Variants in TAFA1 observed in about 807,000 individuals in gnomAD.
The protein encoded by TAFA1 is chemokine-like protein TAFA-1.
In TAFA1, 4 loss-of-function variants were observed where a neutral mutation model predicts 18.5. That is an observed-to-expected ratio of 0.22 (90% confidence interval 0.11 to 0.49). TAFA1 has a LOEUF of 0.49. TAFA1 is among the 20% of genes least tolerant of loss of function. The pLI, the probability that TAFA1 is intolerant of heterozygous loss-of-function variation, is 0.98. For missense variants in TAFA1, 147 were observed against 169.0 expected (o/e 0.87, Z 0.72); for synonymous variants, 56 against 55.2 (o/e 1.01, Z -0.06).
At chr3:68,458,972 G>A (rs1469461497) in intron 3 of TAFA1, among the ~76,000 whole-genome samples, 5 of 152,130 alleles carry the variant, frequency 3.3e-5, no homozygotes, top group Non-Finnish European at 7.3e-5. Context: ...GGCAGGGCAA[G>A]GAAACAGCAA....
At chr3:68,479,229 C>CAAAAAAAAA (rs764971674) in intron 3 of TAFA1, among the ~76,000 whole-genome samples, 2 of 97,520 alleles carry the variant, frequency 2.1e-5, no homozygotes, top group African/African-American at 1.0e-4. Context: ...GACTCCATCT[C>CAAAAAAAAA]AAAAAAAAAA....
At chr3:68,278,292 T>C (rs2067832217) in intron 2 of TAFA1, among the ~76,000 whole-genome samples, 1 of 152,088 alleles carries the variant, frequency 6.6e-6, no homozygotes, top group African/African-American at 2.4e-5. Context: ...TTCCAAACTG[T>C]TTATATAAAG....
At chr3:68,412,552 G>A (rs1265666236) in intron 2 of TAFA1, among the ~76,000 whole-genome samples, 1 of 152,044 alleles carries the variant, frequency 6.6e-6, no homozygotes, top group Non-Finnish European at 1.5e-5. Flanking sequence ...ACAGGCCCCA[G>A]TGTGTGATGT....
intron 3 of TAFA1, among the ~76,000 whole-genome samples, chr3:68,446,036 G>A (rs892117883): frequency 6.6e-6 from 1 of 151,946 alleles, no homozygotes; most frequent in Non-Finnish European, 1.5e-5. Context: ...AAAGTAGCTG[G>A]GACCACAGAC....
At chr3:68,468,422 AT>A (rs1264554933) in intron 3 of TAFA1, among the ~76,000 whole-genome samples, 1 of 152,312 alleles carries the variant, frequency 6.6e-6, no homozygotes, top group East Asian at 1.9e-4. Context: ...TCATCAAAAG[AT>A]GTCATTGAAG....
intron 3 of TAFA1, among the ~76,000 whole-genome samples, chr3:68,456,055 C>T (rs1445348131): frequency 6.6e-6 from 1 of 152,070 alleles, no homozygotes; most frequent in African/African-American, 2.4e-5. Flanking sequence ...GAGCATTGTC[C>T]AATATTAGAA....
chr3:68,421,151 T>A (rs185171734), intron 3 of TAFA1, among the ~76,000 whole-genome samples: 2 of 152,112 alleles, frequency 1.3e-5, no homozygotes, highest in African/African-American at 4.8e-5. Context: ...GCCCTAAGAT[T>A]TGTAAGAAGT....
At chr3:68,203,323 A>T in intron 2 of TAFA1, among the ~76,000 whole-genome samples, 1 of 150,208 alleles carries the variant, frequency 6.7e-6, no homozygotes, top group African/African-American at 2.4e-5. Context: ...ACCTTTCTGG[A>T]TCTGTGGTTT....
intron 3 of TAFA1, among the ~76,000 whole-genome samples, chr3:68,530,600 T>A (rs1234715356): frequency 6.6e-6 from 1 of 152,120 alleles, no homozygotes; most frequent in Non-Finnish European, 1.5e-5. Context: ...TAAGAGAAGC[T>A]GGTTTTGGTG....
intron 2 of TAFA1, chr3:68,247,810 G>C (rs964805297): frequency 6.7e-6 from 1 of 149,244 alleles, no homozygotes; most frequent in Non-Finnish European, 1.5e-5. Flanking sequence ...GCTCTGGTGA[G>C]TATGTTGAGC....
chr3:68,213,696 T>A (rs1298725505), intron 2 of TAFA1, among the ~76,000 whole-genome samples: 3 of 152,084 alleles, frequency 2.0e-5, no homozygotes, highest in African/African-American at 7.2e-5. Context: ...TATCAGTATA[T>A]TACAATAAAT....
At chr3:68,201,856 T>C (rs977821341) in intron 2 of TAFA1, among the ~76,000 whole-genome samples, 1 of 151,712 alleles carries the variant, frequency 6.6e-6, no homozygotes, top group Non-Finnish European at 1.5e-5. Flanking sequence ...TAAAAGTTTT[T>C]TGTGCTGTGC....
intron 2 of TAFA1, among the ~76,000 whole-genome samples, chr3:68,028,529 G>T: frequency 6.6e-6 from 1 of 152,206 alleles, no homozygotes; most frequent in East Asian, 1.9e-4. Context: ...TGTTTCTGGA[G>T]AACAGAAGTC....
chr3:68,379,949 A>T (rs916261885), intron 2 of TAFA1, among the ~76,000 whole-genome samples: 1 of 149,406 alleles, frequency 6.7e-6, no homozygotes, highest in Admixed American at 6.7e-5. Context: ...CCAATGTGTG[A>T]TGTTCCCCTT....
At chr3:68,522,062 G>A (rs1377319892) in intron 3 of TAFA1, among the ~76,000 whole-genome samples, 1 of 151,196 alleles carries the variant, frequency 6.6e-6, no homozygotes, top group Non-Finnish European at 1.5e-5. Flanking sequence ...GCTCAGGGTG[G>A]TCTCCATCTC....
chr3:68,080,257 C>T (rs1162140647), intron 2 of TAFA1, among the ~76,000 whole-genome samples: 1 of 152,170 alleles, frequency 6.6e-6, no homozygotes, highest in African/African-American at 2.4e-5. Flanking sequence ...TGGGTCTTGA[C>T]TCTTGATCCA....
chr3:67,997,644 T>G, the TAFA1 span, among the ~76,000 whole-genome samples: 1 of 152,156 alleles, frequency 6.6e-6, no homozygotes, highest in African/African-American at 2.4e-5. Flanking sequence ...CTTCAGAAAT[T>G]TACTTAAAGG....
intron 3 of TAFA1, among the ~76,000 whole-genome samples, chr3:68,453,102 C>G (rs537286212): frequency 6.6e-6 from 1 of 152,228 alleles, no homozygotes; most frequent in African/African-American, 2.4e-5. Context: ...GAATTAATCT[C>G]CAGAGACATA....
chr3:68,538,838 T>C lies in TAFA1; in HGVS notation c.342T>C (p.Ser114=). The C allele has an allele frequency of 6.2e-7, 1 of 1,613,626 alleles. No homozygotes were observed. The highest frequency in any genetic ancestry group is 8.5e-7 in the Non-Finnish European group (1 of 1,179,696). Residue 114 remains serine, a synonymous_variant, in exon 4 of 5, where the codon TCT becomes TCC. Coordinates refer to ENST00000478136, the MANE Select transcript of TAFA1 (RefSeq NM_213609.4). The stretch of plus-strand genomic sequence containing the variant: ...AATGTAAGACACTCCCTGACAATTC[T>C]GGATGGATGTGCGCAACAGGCAACA... ...GEECKTLPDN[S]GWMCATGNKI...
Sources: gnomAD v4.1 joint callset for allele counts (sites outside exome capture counted in the v4.1 genomes callset) on GRCh38, gnomAD v4.1.1 for gene constraint, MANE v1.5 for transcripts, NCBI Gene and HGNC (gene_info 2026-07-23, HGNC 2026-07-21) for gene names.